The following PPM1B variants were observed in gnomAD, a reference collection of about 807,000 sequenced individuals.
The protein encoded by PPM1B is protein phosphatase, Mg2+/Mn2+ dependent 1B.
Under a neutral mutation model 43.0 loss-of-function variants are expected in PPM1B, and 22 were observed. The ratio of observed to expected loss-of-function variants is 0.51; its 90% CI spans 0.37 to 0.73. The LOEUF is 0.73. Among genes scored for constraint, PPM1B ranks in the 30% least tolerant of loss-of-function variants. PPM1B has a pLI of 0.00. For synonymous variants in PPM1B, 217 were observed against 197.9 expected, an observed-to-expected ratio of 1.10 and a Z score of -0.81; for missense variants, 632 against 584.2, an observed-to-expected ratio of 1.08 and a Z score of -0.84.
chr2:44,212,381 A>T (rs761515034), intron 3 of PPM1B, among the ~76,000 whole-genome samples: 1 of 152,138 alleles, frequency 6.6e-6, no homozygotes. Context: ...TGCCCATCCC[A>T]GTTCACCCTA....
chr2:44,192,466 T>C (rs1334184898), intron 1 of PPM1B, among the ~76,000 whole-genome samples: 3 of 152,190 alleles, frequency 2.0e-5, no homozygotes, highest in African/African-American at 7.2e-5. Context: ...TTTGCCTGCC[T>C]CGGCCTCCCA....
intron 2 of PPM1B, among the ~76,000 whole-genome samples, chr2:44,208,035 C>T (rs971585927): frequency 4.6e-5 from 7 of 151,514 alleles, no homozygotes; most frequent in East Asian, 2.0e-4. Context: ...ATTACAGGTG[C>T]GCGCCACCAC....
chr2:44,193,293 C>T (rs1668494450), intron 1 of PPM1B, among the ~76,000 whole-genome samples: 1 of 152,154 alleles, frequency 6.6e-6, no homozygotes, highest in Non-Finnish European at 1.5e-5. Flanking sequence ...CTTTAATTTG[C>T]ATTTCCCTGA....
At chr2:44,192,897 T>C (rs954776492) in intron 1 of PPM1B, among the ~76,000 whole-genome samples, 2 of 152,380 alleles carry the variant, frequency 1.3e-5, no homozygotes, top group African/African-American at 4.8e-5. Context: ...TGACAGAATT[T>C]CCTTCTTTTT....
chr2:44,219,634 T>G (rs1306250902), intron 5 of PPM1B, among the ~76,000 whole-genome samples: 1 of 152,136 alleles, frequency 6.6e-6, no homozygotes, highest in Non-Finnish European at 1.5e-5. Context: ...TGTGGCAGGT[T>G]CCTCAGAGTA....
chr2:44,205,860 C>G lies in PPM1B; in HGVS notation c.847-3350C>G, dbSNP rs111981043. 3.0e-3 allele frequency among the ~76,000 whole-genome samples: 456 copies of G among 152,168 alleles called. 1 individual carries two copies. Among genetic ancestry groups the G allele is most frequent in the Middle Eastern group, 0.027 (8 of 294 alleles). On this transcript the variant is annotated intron_variant, in intron 2 of 5. Transcript: ENST00000282412. ...ATCATTTTCCAAAGGCAACATCATTCTATATTAATTTATATAACATAGAAA... is the reference window on the plus strand; with the variant it reads ...ATCATTTTCCAAAGGCAACATCATTGTATATTAATTTATATAACATAGAAA...
intron 1 of PPM1B, among the ~76,000 whole-genome samples, chr2:44,173,362 ATACTG>A (rs1168081798): frequency 6.6e-6 from 1 of 152,182 alleles, no homozygotes; most frequent in African/African-American, 2.4e-5. Context: ...GGAAACATAA[ATACTG>A]TACAATAACT....
At chr2:44,172,683 G>A (rs1667403479) in intron 1 of PPM1B, among the ~76,000 whole-genome samples, 1 of 152,024 alleles carries the variant, frequency 6.6e-6, no homozygotes. Flanking sequence ...CAACATTTTG[G>A]GAGGCTGAGG....
At chr2:44,190,406 G>T (rs771668304) in intron 1 of PPM1B, among the ~76,000 whole-genome samples, 1 of 152,032 alleles carries the variant, frequency 6.6e-6, no homozygotes, top group African/African-American at 2.4e-5. Flanking sequence ...TGATCTGCCC[G>T]TCTCAGCCTC....
chr2:44,244,371 A>G (rs1670812955), exon 6 of PPM1B: 3 of 1,351,578 alleles, frequency 2.2e-6, no homozygotes, highest in Non-Finnish European at 3.0e-6. Context: ...TAAACCCAGC[A>G]TTATATAATT....
Position 44,230,600 on chromosome 2 carries a change from G to A in PPM1B, c.1322G>A (p.Ser441Asn), listed in dbSNP as rs372831092. 2.5e-6 allele frequency: 4 copies of A among 1,614,054 alleles called. No individual in the cohort carries two copies. The East Asian group carries it at 6.7e-5, about 27-fold the overall frequency. ...EPAATATSSN[S>N]DAGNPVTMQE... ...GCTGCCACAGCTACTTCTTCGAACA[G>A]TGATGCTGGAAACCCAGTGACAATG... is the stretch of plus-strand genomic sequence containing the variant. Residue 441 changes from serine (S) to asparagine (N), a missense_variant, in exon 6 of 6, where the codon AGT becomes AAT. By Grantham distance (46) the Ser-to-Asn change is conservative (BLOSUM62 1). Coordinates refer to ENST00000282412, the MANE Select transcript of PPM1B (RefSeq NM_002706.6).
At chr2:44,195,543 G>C (rs945914872) in intron 1 of PPM1B, among the ~76,000 whole-genome samples, 9 of 152,070 alleles carry the variant, frequency 5.9e-5, no homozygotes, top group Non-Finnish European at 2.9e-5. Context: ...AACAGGCCAG[G>C]TGTGGTGGCT....
intron 1 of PPM1B, among the ~76,000 whole-genome samples, chr2:44,185,483 G>A (rs934378218): frequency 6.6e-6 from 1 of 152,070 alleles, no homozygotes; most frequent in African/African-American, 2.4e-5. Flanking sequence ...TGTCAACAAA[G>A]CTATTTCCAT....
intron 1 of PPM1B, among the ~76,000 whole-genome samples, chr2:44,187,570 G>C (rs1488012922): frequency 6.6e-6 from 1 of 152,106 alleles, no homozygotes; most frequent in African/African-American, 2.4e-5. Flanking sequence ...CTAAACATGG[G>C]ATCTCTCCCC....
intron 1 of PPM1B, among the ~76,000 whole-genome samples, chr2:44,183,691 A>T (rs1358302576): frequency 6.6e-6 from 1 of 152,108 alleles, no homozygotes; most frequent in Non-Finnish European, 1.5e-5. Flanking sequence ...GAGCCTGAGG[A>T]TGAGATTTGG....
chr2:44,214,961 G>A (rs76318056), intron 3 of PPM1B, among the ~76,000 whole-genome samples: 6,327 of 152,254 alleles, frequency 0.042, 170 homozygotes, highest in East Asian at 0.1. Flanking sequence ...TTCTGTAATA[G>A]CCACATTTTA....
At chr2:44,233,186 A>G (rs889751042), downstream of PPM1B, 10 of 940,326 alleles carry the variant, frequency 1.1e-5, no homozygotes, top group Non-Finnish European at 1.3e-5. Context: ...AGCTTTTAAG[A>G]TACGAGTTTT....
Position 44,218,550 on chromosome 2 carries a change from T to C in PPM1B, c.1134+13T>C. 1 of 1,543,834 alleles carries C rather than the reference T, an allele frequency of 6.5e-7. No homozygotes were observed. Among genetic ancestry groups the C allele is most frequent in the Middle Eastern group, 1.7e-4 (1 of 5,846 alleles). ...AGAAAGTGATGGGGTAAGTTTTATT[T>C]TATTTCATAAGCATTTGAAGTAATT... is the stretch of plus-strand genomic sequence containing the variant. On this transcript the variant is annotated intron_variant, in intron 5 of 5. Transcript: ENST00000282412.
chr2:44,216,468 C>T (rs113640125), intron 3 of PPM1B, among the ~76,000 whole-genome samples: 12 of 152,266 alleles, frequency 7.9e-5, no homozygotes, highest in African/African-American at 2.2e-4. Flanking sequence ...TTTCATGAAG[C>T]TTGCAGTCTA....
Sources: allele counts gnomAD v4.1 joint callset (sites outside exome capture counted in the v4.1 genomes callset), GRCh38; gene constraint gnomAD v4.1.1; transcripts MANE v1.5; gene names NCBI Gene and HGNC (gene_info 2026-07-23, HGNC 2026-07-21).